Variants in BMP7 observed in about 807,000 individuals in gnomAD.
BMP7 encodes osteogenic protein 1.
BMP7 carries 12 observed loss-of-function variants against 41.2 expected under a neutral mutation model. That is an observed-to-expected ratio of 0.29 (90% CI 0.19 to 0.47). BMP7 has a LOEUF of 0.47. Ranked by LOEUF, BMP7 falls within the 20% of genes least tolerant of loss-of-function variation. BMP7 has a pLI of 0.99. For synonymous variants in BMP7, 248 were observed against 250.0 expected (o/e 0.99, Z 0.07); for missense variants, 467 against 606.0 (o/e 0.77, Z 2.41).
intron 2 of BMP7, among the ~76,000 whole-genome samples, chr20:57,202,844 G>A (rs907875997): frequency 6.6e-5 from 10 of 152,184 alleles, no homozygotes; most frequent in Admixed American, 5.9e-4. Flanking sequence ...TACACGCAGG[G>A]AAAAGGCAGC....
intron 6 of BMP7, among the ~76,000 whole-genome samples, chr20:57,172,343 C>G (rs1165645687): frequency 6.6e-6 from 1 of 152,028 alleles, no homozygotes; most frequent in Non-Finnish European, 1.5e-5. Context: ...AAAAAACAAA[C>G]AAAGAAACAA....
At position 57,215,987 on chromosome 20, in the gene BMP7, A is replaced by G. The variant is rs1411996661; in HGVS notation, c.611+12242T>C. On this transcript the variant is annotated intron_variant, in intron 2 of 6. Transcript: ENST00000395863. This position sits in a 1 kb window ranked among gnomAD's most constrained non-coding sequence, Gnocchi z 4.2. The stretch of plus-strand genomic sequence containing the variant: ...TGCAGCAAAGCAGGGCGACAAGGGG[A>G]AAGAAACTTGACAGTGCTTTGCAGA... 6.6e-6 allele frequency: 1 copy of G among 152,110 alleles called. No individual in the cohort carries two copies. The highest frequency in any genetic ancestry group is 1.5e-5 in the Non-Finnish European group (1 of 68,024). The allele number at this position is 152,110 out of a possible 1,614,324, so 9.4% of individuals were successfully genotyped here. A position where few individuals can be genotyped will look rare whatever the true frequency, so the allele number is the denominator to read the frequency against.
intron 3 of BMP7, among the ~76,000 whole-genome samples, chr20:57,184,286 T>C (rs953533701): frequency 1.1e-4 from 17 of 151,616 alleles, no homozygotes; most frequent in Non-Finnish European, 2.2e-4. Context: ...TTTCAGGGAG[T>C]TGGGGGGCAA....
intron 2 of BMP7, among the ~76,000 whole-genome samples, chr20:57,208,269 A>G (rs1984790009): frequency 6.6e-6 from 1 of 152,246 alleles, no homozygotes; most frequent in Non-Finnish European, 1.5e-5. Context: ...CAAAATAGAG[A>G]AGGCTAATTT....
At chr20:57,263,923 A>G (rs1415741624) in intron 1 of BMP7, among the ~76,000 whole-genome samples, 2 of 151,452 alleles carry the variant, frequency 1.3e-5, no homozygotes, top group African/African-American at 2.4e-5. Flanking sequence ...ATCTCTCTCC[A>G]GTTCCTGGTG....
intron 1 of BMP7, among the ~76,000 whole-genome samples, chr20:57,250,837 A>G (rs899053577): frequency 6.6e-6 from 1 of 152,204 alleles, no homozygotes; most frequent in Non-Finnish European, 1.5e-5. Context: ...GCAATTTTCT[A>G]GTATAACAGG....
intron 1 of BMP7, among the ~76,000 whole-genome samples, chr20:57,249,975 G>A (rs1343777214): frequency 1.3e-5 from 2 of 152,186 alleles, no homozygotes; most frequent in Non-Finnish European, 2.9e-5. Flanking sequence ...TAACTTGCCT[G>A]AGGACACACA....
chr20:57,254,084 G>A (rs1486678905), intron 1 of BMP7, among the ~76,000 whole-genome samples: 4 of 127,074 alleles, frequency 3.1e-5, no homozygotes, highest in Admixed American at 9.7e-5. Flanking sequence ...GTGCAGTGAT[G>A]TGATCTCGGC....
chr20:57,202,517 G>C lies in BMP7; in HGVS notation c.718C>G (p.Arg240Gly). 1 of 1,609,684 alleles carries C rather than the reference G, an allele frequency of 6.2e-7. No homozygotes were observed. Among genetic ancestry groups the C allele is most frequent in the East Asian group, 2.2e-5 (1 of 44,844 alleles). ...ATSNHWVVNP[R>G]HNLGLQLSVE... is the part of the protein sequence containing the mutation. ...GAGAGCTGCAGGCCCAGGTTGTGCCGCGGATTGACCACCCAGTGGTTGCTG... is the reference window on the plus strand; with the variant it reads ...GAGAGCTGCAGGCCCAGGTTGTGCCCCGGATTGACCACCCAGTGGTTGCTG... Residue 240 changes from arginine (R) to glycine (G), a missense_variant, in exon 3 of 7, where the codon CGG becomes GGG. Physicochemically the swap from Arg to Gly is moderately radical, Grantham distance 125. This residue lies in a region of BMP7 where 407 missense variants were observed against 485.9 expected (regional missense o/e 0.84). Transcript: ENST00000395863.
chr20:57,235,364 G>A (rs1600637588), intron 1 of BMP7, among the ~76,000 whole-genome samples: 1 of 152,202 alleles, frequency 6.6e-6, no homozygotes, highest in Non-Finnish European at 1.5e-5. Flanking sequence ...CGTGTCCACT[G>A]GGTAAATGTC....
chr20:57,229,906 C>A (rs995359193), intron 1 of BMP7, among the ~76,000 whole-genome samples: 28 of 152,160 alleles, frequency 1.8e-4, no homozygotes, highest in African/African-American at 6.3e-4. Context: ...TAAACCTTAA[C>A]AACAGTCCAA....
In BMP7 at chr20:57,183,938, A is replaced by C. The variant is rs773614155; in HGVS notation, c.761-19T>G. 1.2e-6 allele frequency: 2 copies of C among 1,611,640 alleles called. No homozygotes were observed. The highest frequency in any genetic ancestry group is 2.2e-5 in the East Asian group (1 of 44,886). On this transcript the variant is annotated intron_variant, in intron 3 of 6. Coordinates refer to ENST00000395863, the MANE Select transcript of BMP7 (RefSeq NM_001719.3). ...CTCTGCCCTGGACAGGAAGCAGCCAAGTGCACAGAAGAGTAGTTACAGGAG... is the reference window on the plus strand; with the variant it reads ...CTCTGCCCTGGACAGGAAGCAGCCACGTGCACAGAAGAGTAGTTACAGGAG...
At chr20:57,245,627 G>C (rs891691280) in intron 1 of BMP7, among the ~76,000 whole-genome samples, 1 of 148,464 alleles carries the variant, frequency 6.7e-6, no homozygotes, top group Admixed American at 6.8e-5. Flanking sequence ...TTGCTCCTGT[G>C]ATTAGTGATT....
chr20:57,252,561 A>T (rs2066118049), intron 1 of BMP7, among the ~76,000 whole-genome samples: 1 of 152,244 alleles, frequency 6.6e-6, no homozygotes. Context: ...AGCATCATCG[A>T]GCAAAAGGTG....
At chr20:57,245,599 G>T (rs1355210691) in intron 1 of BMP7, among the ~76,000 whole-genome samples, 3 of 151,696 alleles carry the variant, frequency 2.0e-5, no homozygotes, top group Non-Finnish European at 4.4e-5. Context: ...TTCTACTTGG[G>T]GTCTTCTTTC....
At chr20:57,242,929 G>C (rs1209765632) in intron 1 of BMP7, among the ~76,000 whole-genome samples, 1 of 152,166 alleles carries the variant, frequency 6.6e-6, no homozygotes, top group Non-Finnish European at 1.5e-5. Flanking sequence ...CTTGAACCCA[G>C]GAGGCGGAGG....
At chr20:57,172,549 C>T (rs1348946483) in intron 6 of BMP7, among the ~76,000 whole-genome samples, 2 of 152,176 alleles carry the variant, frequency 1.3e-5, no homozygotes, top group African/African-American at 2.4e-5. Flanking sequence ...AGGAAAGGCT[C>T]AGATGATGTT....
At position 57,265,750 on chromosome 20, in the gene BMP7, G is replaced by A; in HGVS notation, c.373C>T (p.His125Tyr). Residue 125 changes from histidine (H) to tyrosine (Y), a missense_variant, in exon 1 of 7, where the codon CAT becomes TAT. Transcript: ENST00000395863. The stretch of plus-strand genomic sequence containing the variant: ...ACCATGTCGGCGTCGGTGAGGAAAT[G>A]GCTATCTTGCAGGCTGGCCAGAGGG... ...GPPLASLQDS[H>Y]FLTDADMVMS... is the part of the protein sequence containing the mutation. 1.2e-6 allele frequency: 2 copies of A among 1,610,872 alleles called. No individual in the cohort carries two copies. Among genetic ancestry groups the A allele is most frequent in the Non-Finnish European group, 1.7e-6 (2 of 1,178,694 alleles).
rs770879190 is a variant in BMP7 at position 57,174,897 on chromosome 20, C to T, written c.1035+34G>A. ...CCTCGTGGGAGCCCACGCCAGAGGG[C>T]CCACACCCAAGACAGACCCAGCCAG... is the stretch of plus-strand genomic sequence containing the variant. On this transcript the variant is annotated intron_variant, in intron 5 of 6. Coordinates refer to ENST00000395863, the MANE Select transcript of BMP7 (RefSeq NM_001719.3). The surrounding 1 kb of genome is among the most constrained non-coding windows in gnomAD (Gnocchi z 4.3). The T allele has an allele frequency of 1.3e-6, 2 of 1,599,318 alleles. No individual in the cohort carries two copies. Among genetic ancestry groups the T allele is most frequent in the South Asian group, 2.2e-5 (2 of 89,718 alleles).
Sources: gnomAD v4.1 joint callset for allele counts (sites outside exome capture counted in the v4.1 genomes callset) on GRCh38, gnomAD v4.1.1 for gene constraint, gnomAD v4.1.1 regional missense constraint, Gnocchi (gnomAD v3.1) non-coding constraint, MANE v1.5 for transcripts, NCBI Gene and HGNC (gene_info 2026-07-23, HGNC 2026-07-21) for gene names.